The following MB21D2 variants were observed in gnomAD, a reference collection of about 807,000 sequenced individuals.
The protein encoded by MB21D2 is Mab-21 domain containing 2, also known as nucleotidyltransferase MB21D2.
MB21D2 carries 9 observed loss-of-function variants against 33.3 expected under a neutral mutation model. That is an observed-to-expected ratio of 0.27 (90% CI 0.16 to 0.47). The LOEUF is 0.47. Among genes scored for constraint, MB21D2 ranks in the 20% least tolerant of loss-of-function variants. The probability of loss-of-function intolerance (pLI) is 0.99; values close to 1 mark genes in which losing one functional copy is unlikely to be tolerated. For synonymous variants in MB21D2, 241 were observed against 236.3 expected (o/e 1.02, Z -0.18); for missense variants, 540 against 624.6 (o/e 0.86, Z 1.44).
chr3:192,816,114 C>T (rs772123889), intron 1 of MB21D2, among the ~76,000 whole-genome samples: 9 of 152,032 alleles, frequency 5.9e-5, no homozygotes, highest in South Asian at 2.1e-4. Flanking sequence ...AATTGAGAGA[C>T]GACGACAGAT....
chr3:192,887,005 C>T (rs1713746881), intron 1 of MB21D2, among the ~76,000 whole-genome samples: 1 of 151,036 alleles, frequency 6.6e-6, no homozygotes, highest in South Asian at 2.1e-4. Flanking sequence ...AAAAAAAAAT[C>T]CCCACTTTCG....
At chr3:192,869,810 T>C (rs1004225811) in intron 1 of MB21D2, among the ~76,000 whole-genome samples, 1 of 152,222 alleles carries the variant, frequency 6.6e-6, no homozygotes, top group East Asian at 1.9e-4. Context: ...TTATCAATAA[T>C]GAAAAACATC....
rs1203754879 is a variant in MB21D2, at chr3:192,897,143, T to C, written c.211+20487A>G. Among the ~76,000 whole-genome samples, 3 of 152,232 alleles carry C rather than the reference T, an allele frequency of 2.0e-5. No homozygotes were observed. The East Asian group carries it at 5.8e-4, about 29-fold the overall frequency. On this transcript the variant is annotated intron_variant, in intron 1 of 1. Transcript: ENST00000392452. ...AGATCAAACAACCTCGTGGGATCCA[T>C]GAGGTATTTATTAGAATGTGGTAAC...
At chr3:192,877,844 A>T (rs993453735) in intron 1 of MB21D2, among the ~76,000 whole-genome samples, 3 of 152,160 alleles carry the variant, frequency 2.0e-5, no homozygotes, top group Non-Finnish European at 4.4e-5. Context: ...TGTCTCCAGA[A>T]GTTGCCACGT....
intron 1 of MB21D2, among the ~76,000 whole-genome samples, chr3:192,906,810 C>T (rs1714224685): frequency 6.6e-6 from 1 of 152,246 alleles, no homozygotes; most frequent in Non-Finnish European, 1.5e-5. Flanking sequence ...TACACTAGCA[C>T]ATGGCAGGCA....
intron 1 of MB21D2, among the ~76,000 whole-genome samples, chr3:192,906,334 C>T (rs896395981): frequency 6.6e-6 from 1 of 152,178 alleles, no homozygotes; most frequent in Non-Finnish European, 1.5e-5. Context: ...AAAACCTTTA[C>T]CCACAAAAAG....
intron 1 of MB21D2, among the ~76,000 whole-genome samples, chr3:192,823,170 T>C (rs1370489873): frequency 1.3e-5 from 2 of 152,234 alleles, no homozygotes; most frequent in Non-Finnish European, 2.9e-5. Context: ...TATTTACAGG[T>C]GGTGTTAACC....
At chr3:192,870,457 G>A (rs1261765196) in intron 1 of MB21D2, among the ~76,000 whole-genome samples, 2 of 152,034 alleles carry the variant, frequency 1.3e-5, no homozygotes, top group African/African-American at 2.4e-5. Flanking sequence ...TTGGGAGGCC[G>A]AGGTGGGTGG....
chr3:192,815,958 G>A (rs781232041), intron 1 of MB21D2, among the ~76,000 whole-genome samples: 21 of 152,154 alleles, frequency 1.4e-4, no homozygotes, highest in Non-Finnish European at 2.6e-4. Flanking sequence ...ATATGGGTCA[G>A]TGAGTATCAA....
intron 1 of MB21D2, among the ~76,000 whole-genome samples, chr3:192,912,985 G>A (rs2108657059): frequency 6.6e-6 from 1 of 152,330 alleles, no homozygotes; most frequent in South Asian, 2.1e-4. Flanking sequence ...ATGAGCTAAT[G>A]GACTTAGGCA....
chr3:192,818,424 A>G (rs1711973394), intron 1 of MB21D2, among the ~76,000 whole-genome samples: 1 of 146,790 alleles, frequency 6.8e-6, no homozygotes, highest in East Asian at 1.9e-4. Flanking sequence ...ATTTTGTACA[A>G]TCAAGAACTA....
chr3:192,872,059 C>G (rs762849809), intron 1 of MB21D2, among the ~76,000 whole-genome samples: 5 of 152,168 alleles, frequency 3.3e-5, no homozygotes, highest in African/African-American at 4.8e-5. Flanking sequence ...GTTTGTCTCT[C>G]ATAAAACTGA....
intron 1 of MB21D2, among the ~76,000 whole-genome samples, chr3:192,887,607 G>T (rs565901857): frequency 6.6e-6 from 1 of 152,086 alleles, no homozygotes; most frequent in East Asian, 1.9e-4. Flanking sequence ...AAAAACAAAG[G>T]TATATGGGGG....
chr3:192,893,019 G>C (rs1713884832), intron 1 of MB21D2, among the ~76,000 whole-genome samples: 1 of 152,042 alleles, frequency 6.6e-6, no homozygotes. Flanking sequence ...GACAATATTT[G>C]GCTTCCACAG....
intron 1 of MB21D2, among the ~76,000 whole-genome samples, chr3:192,895,092 C>T (rs1275298766): frequency 6.6e-6 from 1 of 152,100 alleles, no homozygotes; most frequent in Non-Finnish European, 1.5e-5. Flanking sequence ...GGGGAGGGGG[C>T]CAAGGGGGCC....
chr3:192,853,377 A>T (rs1712848650), intron 1 of MB21D2, among the ~76,000 whole-genome samples: 1 of 152,164 alleles, frequency 6.6e-6, no homozygotes, highest in Non-Finnish European at 1.5e-5. Context: ...CATTTAATAG[A>T]AGGTAACTTT....
At chr3:192,845,795 G>C (rs1712669088) in intron 1 of MB21D2, among the ~76,000 whole-genome samples, 1 of 152,174 alleles carries the variant, frequency 6.6e-6, no homozygotes, top group Admixed American at 6.5e-5. Context: ...CCAGTGGCTG[G>C]GGGCCAGGCG....
chr3:192,861,558 G>A (rs1371978300), intron 1 of MB21D2, among the ~76,000 whole-genome samples: 1 of 152,204 alleles, frequency 6.6e-6, no homozygotes, highest in African/African-American at 2.4e-5. Flanking sequence ...TGTAATCCCA[G>A]CACTTTGGGA....
chr3:192,823,429 G>A (rs1370396542), intron 1 of MB21D2, among the ~76,000 whole-genome samples: 1 of 152,162 alleles, frequency 6.6e-6, no homozygotes, highest in Non-Finnish European at 1.5e-5. Flanking sequence ...CGAGGCAGGT[G>A]GATCACCTGA....
Sources: allele counts gnomAD v4.1 joint callset (sites outside exome capture counted in the v4.1 genomes callset), GRCh38; gene constraint gnomAD v4.1.1; transcripts MANE v1.5; gene names NCBI Gene and HGNC (gene_info 2026-07-23, HGNC 2026-07-21).